The following CDC73 variants were observed in gnomAD, a reference collection of about 807,000 sequenced individuals.
CDC73 encodes the protein cell division cycle 73.
In CDC73, 21 loss-of-function variants were observed where a neutral mutation model predicts 83.7. The observed-to-expected ratio is 0.25, with a 90% CI of 0.18 to 0.36. CDC73 has a LOEUF of 0.36. Among genes scored for constraint, CDC73 ranks in the 10% least tolerant of loss-of-function variants. The probability of loss-of-function intolerance (pLI) is 1.00; values close to 1 mark genes in which losing one functional copy is unlikely to be tolerated. For missense variants in CDC73, 342 were observed against 653.3 expected (o/e 0.52, Z 5.19); for synonymous variants, 224 against 212.9 (o/e 1.05, Z -0.45).
At chr1:193,224,062 A>G (rs893813572) in intron 13 of CDC73, among the ~76,000 whole-genome samples, 2 of 152,010 alleles carry the variant, frequency 1.3e-5, no homozygotes, top group African/African-American at 4.8e-5. Context: ...TGTTTACTGT[A>G]GTCACTCTGC....
intron 15 of CDC73, among the ~76,000 whole-genome samples, chr1:193,246,496 A>G (rs1677955643): frequency 6.6e-6 from 1 of 152,162 alleles, no homozygotes; most frequent in South Asian, 2.1e-4. Flanking sequence ...TGCAGGATAC[A>G]AAATCATCAT....
rs754686636 is a variant in CDC73 at position 193,130,186 on chromosome 1, C to G, written c.250C>G (p.Pro84Ala). 1 of 1,587,800 alleles carries G rather than the reference C, an allele frequency of 6.3e-7. No homozygotes were observed. The highest frequency in any genetic ancestry group is 8.6e-7 in the Non-Finnish European group (1 of 1,156,598). Residue 84 changes from proline to alanine, a missense_variant, in exon 3 of 17, where the codon CCT (proline) becomes GCT (alanine). This residue lies in a region of CDC73 where 99 missense variants were observed against 174.5 expected (regional missense o/e 0.57). Transcript: ENST00000367435. ...YVRRAATENI[P>A]VVRRPDRKDL... The stretch of plus-strand genomic sequence containing the variant: ...ATTTTGGTTTTAGACTGAAAATATT[C>G]CTGTGGTTAGAAGACCTGATCGAAA...
intron 11 of CDC73, among the ~76,000 whole-genome samples, chr1:193,205,233 G>A (rs1316558257): frequency 8.3e-6 from 1 of 120,008 alleles, no homozygotes; most frequent in African/African-American, 3.4e-5. Flanking sequence ...CATCAGTGCT[G>A]TTGAAAGTGA....
chr1:193,185,725 ATTT>A (rs201494057), intron 10 of CDC73, among the ~76,000 whole-genome samples: 1 of 151,464 alleles, frequency 6.6e-6, no homozygotes, highest in African/African-American at 2.4e-5. Context: ...AGGGCTACAG[ATTT>A]TTTTTTAAGT....
intron 13 of CDC73, among the ~76,000 whole-genome samples, chr1:193,215,184 C>T (rs992270394): frequency 5.9e-5 from 9 of 152,120 alleles, no homozygotes; most frequent in African/African-American, 2.2e-4. Context: ...CAACAGTTAG[C>T]CTTTAAAAGC....
chr1:193,172,694 T>A (rs959135817), intron 10 of CDC73, among the ~76,000 whole-genome samples: 5 of 152,166 alleles, frequency 3.3e-5, no homozygotes, highest in Non-Finnish European at 7.3e-5. Flanking sequence ...AAGACTACAG[T>A]TACCTGGCAC....
chr1:193,245,440 A>G (rs1330401944), intron 15 of CDC73, among the ~76,000 whole-genome samples: 1 of 151,604 alleles, frequency 6.6e-6, no homozygotes, highest in Non-Finnish European at 1.5e-5. Context: ...CTATGTTGCC[A>G]CAAATGACAG....
chr1:193,203,654 A>G, intron 10 of CDC73, 141 bp from the exon 11 acceptor site: 1 of 703,046 alleles, frequency 1.4e-6, no homozygotes. Flanking sequence ...ACTGTAGGTC[A>G]TAACATGTTC....
intron 7 of CDC73, among the ~76,000 whole-genome samples, chr1:193,145,371 T>C (rs1675978136): frequency 6.6e-6 from 1 of 152,196 alleles, no homozygotes; most frequent in Non-Finnish European, 1.5e-5. Context: ...TCGGTATTCT[T>C]TGACCAAATA....
intron 2 of CDC73, among the ~76,000 whole-genome samples, chr1:193,125,691 C>T (rs1572143069): frequency 6.6e-6 from 1 of 152,008 alleles, no homozygotes; most frequent in African/African-American, 2.4e-5. Flanking sequence ...AGCCTCCCAC[C>T]TCAGTCTCCT....
chr1:193,160,595 T>C (rs1288133133), intron 10 of CDC73, among the ~76,000 whole-genome samples: 1 of 152,046 alleles, frequency 6.6e-6, no homozygotes, highest in Non-Finnish European at 1.5e-5. Flanking sequence ...AGTGTAACTT[T>C]AATTCAATTT....
At chr1:193,142,825 A>G (rs763945485) in intron 7 of CDC73, among the ~76,000 whole-genome samples, 2 of 152,352 alleles carry the variant, frequency 1.3e-5, no homozygotes, top group Non-Finnish European at 2.9e-5. Flanking sequence ...TTTGAAAGAT[A>G]AAAATCTGAA....
At chr1:193,197,947 AG>A (rs1677030195) in intron 10 of CDC73, among the ~76,000 whole-genome samples, 2 of 149,384 alleles carry the variant, frequency 1.3e-5, no homozygotes, top group East Asian at 2.0e-4. Flanking sequence ...AAAAAAAAAA[AG>A]TGTATGTGCA....
chr1:193,127,818 C>CT (rs1486791723), intron 2 of CDC73: 5 of 85,478 alleles, frequency 5.8e-5, no homozygotes, highest in Middle Eastern at 7.2e-3. Context: ...GCAGACCACT[C>CT]ATTTTTTTTT....
chr1:193,221,936 G>A (rs539774399), intron 13 of CDC73, among the ~76,000 whole-genome samples: 1 of 152,140 alleles, frequency 6.6e-6, no homozygotes, highest in African/African-American at 2.4e-5. Flanking sequence ...CATAGCTCAA[G>A]TTGGATAGAA....
At chr1:193,206,100 C>G (rs751101165) in intron 11 of CDC73, among the ~76,000 whole-genome samples, 24 of 152,036 alleles carry the variant, frequency 1.6e-4, no homozygotes, top group South Asian at 1.0e-3. Flanking sequence ...GCACTGATAC[C>G]TAAACAAACC....
At chr1:193,247,886 G>C (rs1435261638) in intron 15 of CDC73, among the ~76,000 whole-genome samples, 1 of 152,076 alleles carries the variant, frequency 6.6e-6, no homozygotes, top group East Asian at 1.9e-4. Flanking sequence ...AAGGAAGTAA[G>C]CCATCTCTAT....
intron 13 of CDC73, among the ~76,000 whole-genome samples, chr1:193,228,696 T>C (rs1677605280): frequency 6.6e-6 from 1 of 152,104 alleles, no homozygotes; most frequent in Non-Finnish European, 1.5e-5. Flanking sequence ...ACACACAAAC[T>C]TAAAAGCTGA....
intron 15 of CDC73, among the ~76,000 whole-genome samples, chr1:193,243,749 C>A (rs1023156923): frequency 3.3e-5 from 5 of 151,880 alleles, no homozygotes; most frequent in Non-Finnish European, 5.9e-5. Flanking sequence ...TTACATGTAG[C>A]CCCTTTAATG....
Sources: allele counts gnomAD v4.1 joint callset (sites outside exome capture counted in the v4.1 genomes callset), GRCh38; gene constraint gnomAD v4.1.1; regional missense constraint gnomAD v4.1.1; transcripts MANE v1.5; gene names NCBI Gene and HGNC (gene_info 2026-07-23, HGNC 2026-07-21).